The following ADGRE3 variants were observed in gnomAD, a reference collection of about 807,000 sequenced individuals.
The protein encoded by ADGRE3 is EGF-like module receptor 3.
In ADGRE3, 88 loss-of-function variants were observed where a neutral mutation model predicts 80.1. The ratio of observed to expected loss-of-function variants is 1.10; its 90% CI spans 0.93 to 1.31. The LOEUF (loss-of-function observed/expected upper bound fraction) is 1.31. ADGRE3 is among the 40% of genes most tolerant of loss of function. ADGRE3 has a pLI of 0.00. For missense variants in ADGRE3, 715 were observed against 776.5 expected, an observed-to-expected ratio of 0.92 and a Z score of 0.94; for synonymous variants, 281 against 294.8, an observed-to-expected ratio of 0.95 and a Z score of 0.48.
chr19:14,658,495 G>C lies in ADGRE3; in HGVS notation c.393+18C>G. On this transcript the variant is annotated intron_variant, in intron 5 of 15. Transcript: ENST00000253673. ...TGTTTGTTACCTGGGAAGGGTCTGGGGATCAGCCTCCACTCACCTCTTTCC... is the reference window on the plus strand; with the variant it reads ...TGTTTGTTACCTGGGAAGGGTCTGGCGATCAGCCTCCACTCACCTCTTTCC... The C allele has an allele frequency of 1.3e-6, 2 of 1,546,592 alleles. No individual in the cohort carries two copies. Among genetic ancestry groups the C allele is most frequent in the Non-Finnish European group, 1.7e-6 (2 of 1,144,858 alleles).
chr19:14,604,334 A>C, the ADGRE3 span, among the ~76,000 whole-genome samples: 41,092 of 151,806 alleles, frequency 0.27, 5,784 homozygotes, highest in South Asian at 0.31. Context: ...CACATTTATT[A>C]TTTCCTTCCC....
chr19:14,638,831 C>T (rs1210109169), intron 10 of ADGRE3, among the ~76,000 whole-genome samples: 2 of 152,178 alleles, frequency 1.3e-5, no homozygotes, highest in African/African-American at 4.8e-5. Context: ...CTACTCTCTA[C>T]TCCTACTGTA....
intron 2 of ADGRE3, among the ~76,000 whole-genome samples, chr19:14,665,055 A>ATTTTTT (rs916325882): frequency 2.2e-5 from 2 of 89,808 alleles, no homozygotes; most frequent in African/African-American, 4.8e-5. Context: ...GAGCAACCTC[A>ATTTTTT]TTTTTTTTTT....
chr19:14,638,727 AT>A (rs1971168981), intron 10 of ADGRE3, among the ~76,000 whole-genome samples: 1 of 151,944 alleles, frequency 6.6e-6, no homozygotes, highest in Admixed American at 6.6e-5. Context: ...GATCACCAGA[AT>A]TTACCCCTCC....
the ADGRE3 span, among the ~76,000 whole-genome samples, chr19:14,607,554 T>TA: frequency 5.3e-5 from 5 of 94,378 alleles, no homozygotes; most frequent in East Asian, 7.3e-4. Context: ...TATTTTATTA[T>TA]TTATTTATTT....
chr19:14,668,686 C>A (rs759276338), intron 2 of ADGRE3, 116 bp downstream of exon 2: 3 of 703,700 alleles, frequency 4.3e-6, no homozygotes, highest in Non-Finnish European at 5.0e-6. Flanking sequence ...CAGGAGCAAG[C>A]CTTCCCAAAT....
At chr19:14,659,055 A>G in intron 4 of ADGRE3, among the ~76,000 whole-genome samples, 1 of 108,124 alleles carries the variant, frequency 9.2e-6, no homozygotes, top group African/African-American at 4.0e-5. Context: ...TTTTTTTTTT[A>G]GATAGGGTCT....
At chr19:14,602,974 A>G in the ADGRE3 span, among the ~76,000 whole-genome samples, 1 of 152,036 alleles carries the variant, frequency 6.6e-6, no homozygotes, top group African/African-American at 2.4e-5. Context: ...ACCTCAGGTG[A>G]TCCACCTGCC....
intron 3 of ADGRE3, among the ~76,000 whole-genome samples, chr19:14,662,342 G>C (rs968838971): frequency 6.6e-6 from 1 of 152,096 alleles, no homozygotes; most frequent in South Asian, 2.1e-4. Context: ...ATTTGGGAGG[G>C]GATCCCAGGA....
chr19:14,656,843 G>A (rs1057027568), intron 5 of ADGRE3, among the ~76,000 whole-genome samples: 6 of 152,206 alleles, frequency 3.9e-5, no homozygotes, highest in African/African-American at 2.4e-5. Flanking sequence ...GAGGACTTCC[G>A]TACCCTCACC....
At chr19:14,668,578 T>A (rs184558766) in intron 2 of ADGRE3, 54 of 547,332 alleles carry the variant, frequency 9.9e-5, no homozygotes, top group African/African-American at 9.5e-4. Flanking sequence ...CTCACTGTGG[T>A]TAGCAAAAAC....
rs1312424226 is a variant in ADGRE3 at position 14,621,872 on chromosome 19, T to C, written c.1921-2401A>G. 33 of 1,049,060 alleles carry C rather than the reference T, an allele frequency of 3.1e-5. 8 individuals are homozygous for C. The highest frequency in any genetic ancestry group is 2.3e-4 in the Middle Eastern group (1 of 4,280). The allele number at this position is 1,049,060 out of a possible 1,614,324, so 65.0% of individuals were successfully genotyped here. A position where few individuals can be genotyped will look rare whatever the true frequency, so the allele number is the denominator to read the frequency against. Reference sequence around the variant, plus strand: ...TGGACCAGTGGGACACTCTGGATTCTCCACAACATGAACCATGACCTCGTT... The same window carrying C: ...TGGACCAGTGGGACACTCTGGATTCCCCACAACATGAACCATGACCTCGTT... On this transcript the variant is annotated intron_variant, in intron 15 of 15. Transcript: ENST00000253673.
intron 8 of ADGRE3, among the ~76,000 whole-genome samples, chr19:14,644,661 G>A (rs184434811): frequency 8.4e-4 from 128 of 152,248 alleles, no homozygotes; most frequent in African/African-American, 3.0e-3. Flanking sequence ...AGTTCTCAGT[G>A]TTGGCCTATG....
intron 15 of ADGRE3, among the ~76,000 whole-genome samples, chr19:14,620,539 ATATATATATT>A (rs1599597571): frequency 7.0e-5 from 1 of 14,200 alleles, no homozygotes; most frequent in Non-Finnish European, 1.1e-4. Context: ...TATATATTTT[ATATATATATT>A]ATATATATAT....
intron 14 of ADGRE3, among the ~76,000 whole-genome samples, chr19:14,629,589 T>C (rs62124013): frequency 0.37 from 56,966 of 152,014 alleles, 11,001 homozygotes; most frequent in Admixed American, 0.43. Context: ...TGCTCCCCCT[T>C]CTGCTTAAGC....
At chr19:14,642,798 T>C (rs1465668922) in intron 9 of ADGRE3, among the ~76,000 whole-genome samples, 1 of 152,250 alleles carries the variant, frequency 6.6e-6, no homozygotes. Context: ...ATGTATTCCA[T>C]ATGTACCACA....
the ADGRE3 span, among the ~76,000 whole-genome samples, chr19:14,604,666 G>A: frequency 6.6e-6 from 1 of 151,704 alleles, no homozygotes; most frequent in South Asian, 2.1e-4. Context: ...AGGAGGCTGA[G>A]GCAGGAAAAT....
At chr19:14,631,030 C>T (rs1251594748) in intron 13 of ADGRE3, among the ~76,000 whole-genome samples, 1 of 151,956 alleles carries the variant, frequency 6.6e-6, no homozygotes, top group Non-Finnish European at 1.5e-5. Context: ...CGTCACCACA[C>T]CCAGCTAATC....
At chr19:14,637,616 G>T (rs867518680) in intron 11 of ADGRE3, among the ~76,000 whole-genome samples, 2 of 151,402 alleles carry the variant, frequency 1.3e-5, no homozygotes, top group Middle Eastern at 3.4e-3. Context: ...GCCCAGGCTG[G>T]TCTTGAAGTT....
Sources: gnomAD v4.1 joint callset for allele counts (sites outside exome capture counted in the v4.1 genomes callset) on GRCh38, gnomAD v4.1.1 for gene constraint, MANE v1.5 for transcripts, NCBI Gene and HGNC (gene_info 2026-07-23, HGNC 2026-07-21) for gene names.